Variants in SLIT2 observed in about 807,000 individuals in gnomAD.
SLIT2 encodes slit homolog 2 protein.
Under a neutral mutation model 185.7 loss-of-function variants are expected in SLIT2, and 41 were observed. The observed-to-expected ratio is 0.22, with a 90% CI of 0.17 to 0.29. The LOEUF (loss-of-function observed/expected upper bound fraction) is 0.29, where lower values mean the gene tolerates loss of function less well. SLIT2 is among the 10% of genes least tolerant of loss of function. The probability of loss-of-function intolerance (pLI) is 1.00; values close to 1 mark genes in which losing one functional copy is unlikely to be tolerated. For synonymous variants in SLIT2, 693 were observed against 680.2 expected, an observed-to-expected ratio of 1.02 and a Z score of -0.29; for missense variants, 1,571 against 1,909.0, an observed-to-expected ratio of 0.82 and a Z score of 3.30.
intron 4 of SLIT2, among the ~76,000 whole-genome samples, chr4:20,437,316 C>T (rs1184414207): frequency 6.6e-6 from 1 of 151,974 alleles, no homozygotes; most frequent in Non-Finnish European, 1.5e-5. Context: ...TTGTTGAAGG[C>T]AAAAAACTAG....
intron 34 of SLIT2, among the ~76,000 whole-genome samples, chr4:20,611,951 C>T (rs796288883): frequency 6.6e-6 from 1 of 152,188 alleles, no homozygotes; most frequent in Non-Finnish European, 1.5e-5. Context: ...AGAAAGGGAA[C>T]AAATCTAAGT....
At chr4:20,431,168 C>T (rs1419498807) in intron 4 of SLIT2, among the ~76,000 whole-genome samples, 5 of 152,126 alleles carry the variant, frequency 3.3e-5, no homozygotes, top group Non-Finnish European at 7.4e-5. Context: ...ATCGTATCTT[C>T]TTCAAGGTCG....
At chr4:20,263,999 A>G (rs1444119763) in intron 3 of SLIT2, among the ~76,000 whole-genome samples, 1 of 151,750 alleles carries the variant, frequency 6.6e-6, no homozygotes, top group African/African-American at 2.4e-5. Context: ...AAGCTTAACA[A>G]CCCTTCAATG....
chr4:20,401,436 C>T (rs1267465857), intron 4 of SLIT2, among the ~76,000 whole-genome samples: 4 of 151,846 alleles, frequency 2.6e-5, no homozygotes, highest in Non-Finnish European at 5.9e-5. Flanking sequence ...TCTCCTCTGC[C>T]TTTGGTGAAT....
chr4:20,546,014 T>G lies in SLIT2; in HGVS notation c.2277-17T>G. 1 of 1,414,674 alleles carries G rather than the reference T, an allele frequency of 7.1e-7. No homozygotes were observed. The highest frequency in any genetic ancestry group is 1.2e-5 in the South Asian group (1 of 81,434). 87.6% of individuals were successfully genotyped at this position (1,414,674 alleles called of 1,614,324 possible). A position where few individuals can be genotyped will look rare whatever the true frequency, so the allele number is the denominator to read the frequency against. The stretch of plus-strand genomic sequence containing the variant: ...CCATTACTTTGTAAGAAGATAATAT[T>G]GTTCCATTGTTTTTAGGTATCTGGA... On this transcript the variant is annotated splice_polypyrimidine_tract_variant and intron_variant, in intron 21 of 36. Transcript: ENST00000504154.
chr4:20,522,904 G>A (rs543507926), intron 12 of SLIT2, among the ~76,000 whole-genome samples: 5 of 152,234 alleles, frequency 3.3e-5, no homozygotes, highest in East Asian at 1.9e-4. Context: ...GGGGTAGGGA[G>A]GCAGGCATAT....
At chr4:20,513,940 G>A (rs1719970462) in intron 11 of SLIT2, among the ~76,000 whole-genome samples, 1 of 152,182 alleles carries the variant, frequency 6.6e-6, no homozygotes, top group Admixed American at 6.5e-5. Flanking sequence ...CTGGAGAGTA[G>A]TGGGTGCTTG....
intron 4 of SLIT2, among the ~76,000 whole-genome samples, chr4:20,455,061 T>A (rs1712911954): frequency 6.6e-6 from 1 of 152,190 alleles, no homozygotes; most frequent in Non-Finnish European, 1.5e-5. Flanking sequence ...CATTATATAT[T>A]ATGGAAAATG....
chr4:20,522,796 TATTC>T (rs1369384938), intron 12 of SLIT2, among the ~76,000 whole-genome samples: 1 of 152,220 alleles, frequency 6.6e-6, no homozygotes, highest in South Asian at 2.1e-4. Context: ...GGTTGTAAAG[TATTC>T]ATTCAACAAC....
chr4:20,481,175 A>T (rs1716668073), intron 6 of SLIT2, among the ~76,000 whole-genome samples: 1 of 152,090 alleles, frequency 6.6e-6, no homozygotes, highest in Admixed American at 6.6e-5. Flanking sequence ...GTTTCTCATT[A>T]AAAAAATAAA....
chr4:20,323,556 C>G (rs571068540), intron 4 of SLIT2, among the ~76,000 whole-genome samples: 1 of 151,818 alleles, frequency 6.6e-6, no homozygotes, highest in Non-Finnish European at 1.5e-5. Flanking sequence ...CTGAGATTTT[C>G]CACAAGGGAA....
At chr4:20,375,889 G>T (rs545552811) in intron 4 of SLIT2, among the ~76,000 whole-genome samples, 3 of 151,776 alleles carry the variant, frequency 2.0e-5, no homozygotes, top group Admixed American at 2.0e-4. Flanking sequence ...GAAGCATCAG[G>T]ATCCCTTTAT....
chr4:20,347,683 A>G (rs1243620325), intron 4 of SLIT2, among the ~76,000 whole-genome samples: 1 of 152,232 alleles, frequency 6.6e-6, no homozygotes, highest in Non-Finnish European at 1.5e-5. Flanking sequence ...CTATTTTGCT[A>G]AACTCTCATT....
rs192540132 is a variant in SLIT2 at position 20,323,604 on chromosome 4, A to G, written c.395+54723A>G. On this transcript the variant is annotated intron_variant, in intron 4 of 36. Coordinates refer to ENST00000504154, the MANE Select transcript of SLIT2 (RefSeq NM_004787.4). Reference sequence around the variant, plus strand: ...AACAGTAGAATATAACATATACAATACCGGCCTCCAGCCACAGTGCTACTT... The same window carrying G: ...AACAGTAGAATATAACATATACAATGCCGGCCTCCAGCCACAGTGCTACTT... 1.2e-3 allele frequency among the ~76,000 whole-genome samples: 183 copies of G among 152,300 alleles called. 1 individual carries two copies. Among genetic ancestry groups the G allele is most frequent in the African/African-American group, 4.2e-3 (173 of 41,572 alleles).
chr4:20,463,718 C>A (rs1714033376), intron 4 of SLIT2, among the ~76,000 whole-genome samples: 1 of 149,010 alleles, frequency 6.7e-6, no homozygotes, highest in Non-Finnish European at 1.5e-5. Context: ...ACTAAAAATA[C>A]AAAAAAAATT....
chr4:20,611,214 C>T (rs1729193624), intron 34 of SLIT2, among the ~76,000 whole-genome samples: 1 of 152,152 alleles, frequency 6.6e-6, no homozygotes, highest in African/African-American at 2.4e-5. Context: ...AAAATAATAA[C>T]CTATGCTACA....
intron 4 of SLIT2, among the ~76,000 whole-genome samples, chr4:20,463,985 C>T (rs1216490225): frequency 6.6e-6 from 1 of 152,038 alleles, no homozygotes; most frequent in African/African-American, 2.4e-5. Flanking sequence ...CAGAGTGACC[C>T]CTGTGACCTC....
intron 33 of SLIT2, among the ~76,000 whole-genome samples, chr4:20,605,696 CTTTTATTTTATTTTATA>C (rs1227801976): frequency 1.4e-5 from 2 of 141,322 alleles, no homozygotes; most frequent in Non-Finnish European, 3.1e-5. Flanking sequence ...TCGATCACTG[CTTTTATTTTATTTTATA>C]TTTTATTTTA....
chr4:20,501,264 A>T (rs1220679567), intron 9 of SLIT2, among the ~76,000 whole-genome samples: 2 of 152,242 alleles, frequency 1.3e-5, no homozygotes, highest in Non-Finnish European at 1.5e-5. Flanking sequence ...ATGTGTTTCC[A>T]CAGAAGAAGC....
Sources: allele counts gnomAD v4.1 joint callset (sites outside exome capture counted in the v4.1 genomes callset), GRCh38; gene constraint gnomAD v4.1.1; transcripts MANE v1.5; gene names NCBI Gene and HGNC (gene_info 2026-07-23, HGNC 2026-07-21).